Variants in SDCBP observed in about 807,000 individuals in gnomAD.
SDCBP encodes the protein syntenin-1.
A neutral mutation model predicts 30.5 loss-of-function variants in SDCBP; 22 were observed. The observed-to-expected ratio is 0.72, with a 90% CI of 0.52 to 1.03. SDCBP has a LOEUF of 1.03. SDCBP is among the 50% of genes least tolerant of loss of function. The pLI, the probability that SDCBP is intolerant of heterozygous loss-of-function variation, is 0.00. For missense variants in SDCBP, 304 were observed against 369.9 expected, an observed-to-expected ratio of 0.82 and a Z score of 1.46; for synonymous variants, 103 against 118.7, an observed-to-expected ratio of 0.87 and a Z score of 0.86.
chr8:58,575,844 G>GT (rs1294008163), intron 4 of SDCBP, 56 bp from the exon 5 acceptor site: 8 of 1,431,892 alleles, frequency 5.6e-6, no homozygotes, highest in East Asian at 2.3e-5. Flanking sequence ...AATTATCATT[G>GT]TTTTTTTCAA....
rs764772174 is a variant in SDCBP, at chr8:58,580,503, T to C, written c.751-14T>C. The C allele has an allele frequency of 3.0e-6, 4 of 1,341,774 alleles. No homozygotes were observed. In the African/African-American group the frequency reaches 4.3e-5, roughly 15 times the overall value. 83.1% of individuals were successfully genotyped at this position (1,341,774 alleles called of 1,614,324 possible). A position where few individuals can be genotyped will look rare whatever the true frequency, so the allele number is the denominator to read the frequency against. On this transcript the variant is annotated splice_polypyrimidine_tract_variant and intron_variant, in intron 7 of 8. Coordinates refer to ENST00000260130, the MANE Select transcript of SDCBP (RefSeq NM_005625.4). ...GCCTCTGTGGAATTAATTTTTAATA[T>C]GTGTTTTTATCAGGACTCTCAAATT...
At chr8:58,577,904 TTTTCTTTTTC>T in intron 5 of SDCBP, 119 bp from the exon 6 acceptor site, 2 of 711,534 alleles carry the variant, frequency 2.8e-6, no homozygotes, top group East Asian at 2.9e-5. Context: ...TTTTTCCTTT[TTTTCTTTTTC>T]TTTCTTTTTT....
At chr8:58,562,122 G>A (rs946930455) in intron 1 of SDCBP, among the ~76,000 whole-genome samples, 9 of 150,690 alleles carry the variant, frequency 6.0e-5, no homozygotes, top group Admixed American at 3.3e-4. Context: ...GAGAGGAAAG[G>A]AAGGACAAAA....
At chr8:58,569,488 C>T (rs915270914) in intron 2 of SDCBP, among the ~76,000 whole-genome samples, 6 of 152,252 alleles carry the variant, frequency 3.9e-5, no homozygotes, top group Non-Finnish European at 1.5e-5. Flanking sequence ...GCCTCAGCCA[C>T]TGTGCCTGGC....
In SDCBP at chr8:58,569,046, A is replaced by T. The variant is rs557103997; in HGVS notation, c.52-1841A>T. 2.7e-4 allele frequency among the ~76,000 whole-genome samples: 41 copies of T among 151,136 alleles called. 1 individual carries two copies. The highest frequency in any genetic ancestry group is 2.0e-3 in the Admixed American group (31 of 15,170). On this transcript the variant is annotated intron_variant, in intron 2 of 8. Transcript: ENST00000260130. Reference sequence around the variant, plus strand: ...CACACCTAGCTAGTTTAAAAAGAAAATTTTTTTTTCCCCCAAAACGGAGTC... The same window carrying T: ...CACACCTAGCTAGTTTAAAAAGAAATTTTTTTTTTCCCCCAAAACGGAGTC...
At chr8:58,558,170 G>C (rs1804253434) in intron 1 of SDCBP, among the ~76,000 whole-genome samples, 1 of 152,182 alleles carries the variant, frequency 6.6e-6, no homozygotes, top group Admixed American at 6.5e-5. Flanking sequence ...CAAAAGTACG[G>C]ACTTGCCCTA....
intron 1 of SDCBP, among the ~76,000 whole-genome samples, chr8:58,553,518 C>G (rs1803924056): frequency 6.6e-6 from 1 of 152,106 alleles, no homozygotes; most frequent in East Asian, 1.9e-4. Context: ...GCAGCGCGCT[C>G]TTCCTGCCGC....
intron 1 of SDCBP, among the ~76,000 whole-genome samples, chr8:58,559,108 C>T (rs1253877380): frequency 6.6e-6 from 1 of 152,074 alleles, no homozygotes; most frequent in Non-Finnish European, 1.5e-5. Flanking sequence ...CATTTTTCTT[C>T]TAGGCTTGAG....
At chr8:58,572,876 G>A (rs774691596) in intron 4 of SDCBP, among the ~76,000 whole-genome samples, 18 of 134,168 alleles carry the variant, frequency 1.3e-4, no homozygotes, top group Non-Finnish European at 2.7e-4. Flanking sequence ...GCGTGATCTC[G>A]GCCCACTGCA....
chr8:58,557,423 T>C (rs888845675), intron 1 of SDCBP, among the ~76,000 whole-genome samples: 3 of 142,468 alleles, frequency 2.1e-5, no homozygotes, highest in East Asian at 2.0e-4. Flanking sequence ...TAATATAATA[T>C]ATATTATATA....
chr8:58,564,084 G>GTA (rs1218329335), intron 1 of SDCBP, among the ~76,000 whole-genome samples: 1 of 152,174 alleles, frequency 6.6e-6, no homozygotes, highest in African/African-American at 2.4e-5. Flanking sequence ...CTCCTACAGT[G>GTA]TACCTCCAGT....
chr8:58,559,998 A>G (rs1238371504), intron 1 of SDCBP, among the ~76,000 whole-genome samples: 5 of 152,202 alleles, frequency 3.3e-5, no homozygotes. Flanking sequence ...GGTCTGCCCA[A>G]GGGTCTGGTT....
chr8:58,570,818 C>A, intron 2 of SDCBP, 69 bp from the exon 3 acceptor site: 2 of 1,076,868 alleles, frequency 1.9e-6, no homozygotes, highest in South Asian at 1.4e-5. Flanking sequence ...CTGGATTTAG[C>A]TTATAAATTA....
At chr8:58,575,412 A>G (rs1805260244) in intron 4 of SDCBP, among the ~76,000 whole-genome samples, 1 of 152,156 alleles carries the variant, frequency 6.6e-6, no homozygotes, top group Non-Finnish European at 1.5e-5. Context: ...AGGGGAAGAG[A>G]CATAATAGTT....
intron 2 of SDCBP, among the ~76,000 whole-genome samples, chr8:58,566,624 A>T (rs1409753975): frequency 6.6e-6 from 1 of 152,180 alleles, no homozygotes; most frequent in Non-Finnish European, 1.5e-5. Context: ...CCCTGAATTT[A>T]AAAATATTCC....
chr8:58,555,274 G>C (rs754886429), intron 1 of SDCBP, among the ~76,000 whole-genome samples: 1 of 152,114 alleles, frequency 6.6e-6, no homozygotes, highest in Non-Finnish European at 1.5e-5. Flanking sequence ...GAGTTGGAGG[G>C]TATCTGAATT....
rs145670106 is a variant in SDCBP at position 58,557,829 on chromosome 8, G to A, written c.-16+4526G>A. ...TATCTTCTTAGTGATTACTCAGCTC[G>A]AAGGAAAGCCTAGAAACAAAATTCT... On this transcript the variant is annotated intron_variant, in intron 1 of 8. Coordinates refer to ENST00000260130, the MANE Select transcript of SDCBP (RefSeq NM_005625.4). Among the ~76,000 whole-genome samples, 482 of 152,234 alleles carry A rather than the reference G, an allele frequency of 3.2e-3. 2 individuals carry two copies. The highest frequency in any genetic ancestry group is 4.6e-3 in the Non-Finnish European group (311 of 68,006).
chr8:58,560,135 C>G (rs1201754568), intron 1 of SDCBP: 1 of 152,314 alleles, frequency 6.6e-6, no homozygotes, highest in African/African-American at 2.4e-5. Context: ...AGCATGAAAC[C>G]AGCAGGAGAA....
At chr8:58,577,117 T>A (rs992518802) in intron 5 of SDCBP, among the ~76,000 whole-genome samples, 1 of 152,258 alleles carries the variant, frequency 6.6e-6, no homozygotes, top group Admixed American at 6.5e-5. Flanking sequence ...ATACTTTTCA[T>A]AGGCCCCTTG....
Sources: gnomAD v4.1 joint callset for allele counts (sites outside exome capture counted in the v4.1 genomes callset) on GRCh38, gnomAD v4.1.1 for gene constraint, MANE v1.5 for transcripts, NCBI Gene and HGNC (gene_info 2026-07-23, HGNC 2026-07-21) for gene names.